Variants in ULK4 observed in about 807,000 individuals in gnomAD.
ULK4 encodes inactive serine/threonine-protein kinase ULK4.
A neutral mutation model predicts 160.6 loss-of-function variants in ULK4; 133 were observed. That is an observed-to-expected ratio of 0.83 (90% CI 0.72 to 0.96). The LOEUF is 0.96. Among genes scored for constraint, ULK4 ranks in the 40% least tolerant of loss-of-function variants. The pLI is 0.00. For synonymous variants in ULK4, 534 were observed against 539.8 expected, an observed-to-expected ratio of 0.99 and a Z score of 0.15; for missense variants, 1,580 against 1,499.5, an observed-to-expected ratio of 1.05 and a Z score of -0.89.
chr3:41,911,362 T>C lies in ULK4; in HGVS notation c.1040A>G (p.Lys347Arg), dbSNP rs769109406. The change falls in exon 11 of 37, where the codon AAG becomes AGG. Residue 347 changes from lysine to arginine, a missense_variant. Physicochemically the swap from Lys to Arg is conservative, Grantham distance 26. Transcript: ENST00000301831. ...ATTCAATTGACCCTCAAGAGTACTC[T>C]TAGGCCGAAACTCAGTTGGATTTTC... ...RLENPTEFRP[K>R]STLEGQLNES... 5 of 1,614,100 alleles carry C rather than the reference T, an allele frequency of 3.1e-6. No homozygotes were observed. The Admixed American group carries it at 8.3e-5, about 27-fold the overall frequency.
chr3:41,816,942 C>T (rs895583233), intron 19 of ULK4, among the ~76,000 whole-genome samples: 7 of 151,988 alleles, frequency 4.6e-5, no homozygotes, highest in African/African-American at 1.7e-4. Flanking sequence ...CACACAGAGC[C>T]CAGAAATAAG....
At chr3:41,707,980 A>G (rs2036962452) in intron 25 of ULK4, among the ~76,000 whole-genome samples, 1 of 152,140 alleles carries the variant, frequency 6.6e-6, no homozygotes, top group African/African-American at 2.4e-5. Context: ...TCACATCCAT[A>G]AGAATGGCTA....
At position 41,800,267 on chromosome 3, in the gene ULK4, T is replaced by C. The variant is rs1559561493; in HGVS notation, c.1875A>G (p.Ala625=). ...TACAGACATTTTCAATAATTTTTGC[T>C]GCCATGTGATTCACAACACGCTCTT... ...EGEERVVNHM[A]AKIIENVCTT... is the part of the protein sequence containing the mutation. The change falls in exon 20 of 37, where the codon GCA becomes GCG. Residue 625 remains alanine, a synonymous_variant. Transcript: ENST00000301831. 1 of 1,612,582 alleles carries C rather than the reference T, an allele frequency of 6.2e-7. No individual in the cohort carries two copies. Among genetic ancestry groups the C allele is most frequent in the Non-Finnish European group, 8.5e-7 (1 of 1,179,602 alleles).
In ULK4 at chr3:41,412,398, GT is replaced by G. The variant is rs36026491; in HGVS notation, c.3493-14135del. On this transcript the variant is annotated intron_variant, in intron 34 of 36. Coordinates refer to ENST00000301831, the MANE Select transcript of ULK4 (RefSeq NM_017886.4). Reference sequence around the variant, plus strand: ...ACAATCTCAATACAAAATCCCCCAAGTTTTTTTTTTTTTTTGGTAGAAATTG... The same window carrying G: ...ACAATCTCAATACAAAATCCCCCAAGTTTTTTTTTTTTTTGGTAGAAATTG... Among the ~76,000 whole-genome samples the G allele has an allele frequency of 1.7e-3, 243 of 139,032 alleles. 2 individuals carry two copies. In the East Asian group the frequency reaches 0.022, roughly 12 times the overall value. The allele number at this position is 139,032 out of a possible 152,430, so 91.2% of individuals were successfully genotyped here. A position where few individuals can be genotyped will look rare whatever the true frequency, so the allele number is the denominator to read the frequency against.
intron 4 of ULK4, among the ~76,000 whole-genome samples, chr3:41,935,525 A>G (rs1361897383): frequency 9.4e-5 from 14 of 148,266 alleles, no homozygotes; most frequent in Admixed American, 8.7e-4. Flanking sequence ...CACCGCGCCT[A>G]GCCTTTTATG....
At chr3:41,771,276 A>G (rs2039359440) in intron 21 of ULK4, among the ~76,000 whole-genome samples, 1 of 152,206 alleles carries the variant, frequency 6.6e-6, no homozygotes, top group African/African-American at 2.4e-5. Flanking sequence ...ACCATTTTCA[A>G]TGAGAGATGG....
intron 32 of ULK4, among the ~76,000 whole-genome samples, chr3:41,530,243 A>C (rs750588208): frequency 4.6e-5 from 7 of 152,310 alleles, no homozygotes; most frequent in African/African-American, 1.4e-4. Context: ...AAAAAACTTA[A>C]AACTATGAAC....
At chr3:41,681,432 T>C in intron 29 of ULK4, 76 bp downstream of exon 29, 1 of 1,584,254 alleles carries the variant, frequency 6.3e-7, no homozygotes, top group South Asian at 1.2e-5. Context: ...CCCAACCCCA[T>C]CACTGAACCT....
chr3:41,615,562 A>G (rs1020158392), intron 31 of ULK4, 107 bp downstream of exon 31: 1 of 1,042,108 alleles, frequency 9.6e-7, no homozygotes, highest in South Asian at 1.6e-5. Context: ...TGGACGTACA[A>G]TCCTTCAGGG....
intron 32 of ULK4, among the ~76,000 whole-genome samples, chr3:41,563,303 T>A (rs1004017544): frequency 2.0e-4 from 30 of 151,842 alleles, no homozygotes; most frequent in African/African-American, 7.1e-4. Context: ...TTTTCCTTCA[T>A]TTCAACCTTG....
At chr3:41,707,462 A>C (rs952631467) in intron 25 of ULK4, among the ~76,000 whole-genome samples, 1 of 152,218 alleles carries the variant, frequency 6.6e-6, no homozygotes, top group Non-Finnish European at 1.5e-5. Context: ...TGTAAACCAC[A>C]TATCTATGAG....
chr3:41,445,448 G>A (rs1383263043), intron 34 of ULK4, among the ~76,000 whole-genome samples: 1 of 152,182 alleles, frequency 6.6e-6, no homozygotes, highest in African/African-American at 2.4e-5. Context: ...AAAGCTGGAG[G>A]CATCATGCTA....
intron 32 of ULK4, among the ~76,000 whole-genome samples, chr3:41,489,667 TG>T (rs1178583847): frequency 3.3e-5 from 5 of 152,166 alleles, no homozygotes; most frequent in African/African-American, 1.2e-4. Context: ...GAAATGTAGC[TG>T]CTTTGCAATT....
chr3:41,282,394 A>C (rs900265564), intron 35 of ULK4, among the ~76,000 whole-genome samples: 9 of 152,228 alleles, frequency 5.9e-5, no homozygotes, highest in Non-Finnish European at 1.3e-4. Flanking sequence ...ACCTGACTTC[A>C]AACTATACTA....
At chr3:41,657,690 G>A (rs754505511) in intron 30 of ULK4, among the ~76,000 whole-genome samples, 3 of 151,670 alleles carry the variant, frequency 2.0e-5, no homozygotes, top group East Asian at 1.9e-4. Context: ...GGTGGCAGAC[G>A]CCTGTAATCC....
intron 29 of ULK4, among the ~76,000 whole-genome samples, chr3:41,680,944 G>A (rs960124618): frequency 1.3e-5 from 2 of 152,192 alleles, no homozygotes; most frequent in Non-Finnish European, 2.9e-5. Context: ...TTGCATGTTT[G>A]CATTAGGTGC....
At chr3:41,286,410 T>C (rs1173214011) in intron 35 of ULK4, among the ~76,000 whole-genome samples, 1 of 152,040 alleles carries the variant, frequency 6.6e-6, no homozygotes, top group Non-Finnish European at 1.5e-5. Context: ...ATTAGATATG[T>C]CCAGCCTAAG....
intron 21 of ULK4, among the ~76,000 whole-genome samples, chr3:41,780,343 T>C (rs2039794370): frequency 6.6e-6 from 1 of 151,766 alleles, no homozygotes; most frequent in Non-Finnish European, 1.5e-5. Context: ...GTGTATGCTA[T>C]CTTTTATCTT....
chr3:41,351,442 T>C (rs937477585), intron 35 of ULK4, among the ~76,000 whole-genome samples: 5 of 152,186 alleles, frequency 3.3e-5, no homozygotes, highest in African/African-American at 1.2e-4. Context: ...TTTACAAAAA[T>C]GCTGCAGAAG....
Sources: allele counts gnomAD v4.1 joint callset (sites outside exome capture counted in the v4.1 genomes callset), GRCh38; gene constraint gnomAD v4.1.1; transcripts MANE v1.5; gene names NCBI Gene and HGNC (gene_info 2026-07-23, HGNC 2026-07-21).